CCSER1: variants seen among roughly 807,000 people sequenced by gnomAD.
CCSER1 encodes the protein serine-rich coiled-coil domain-containing protein 1.
A neutral mutation model predicts 82.0 loss-of-function variants in CCSER1; 41 were observed. The ratio of observed to expected loss-of-function variants is 0.50; its 90% CI spans 0.39 to 0.65. The LOEUF (loss-of-function observed/expected upper bound fraction) is 0.65, where lower values mean the gene tolerates loss of function less well. CCSER1 is among the 30% of genes least tolerant of loss of function. The pLI, the probability that CCSER1 is intolerant of heterozygous loss-of-function variation, is 0.00. For missense variants in CCSER1, 1,119 were observed against 1,064.2 expected, an observed-to-expected ratio of 1.05 and a Z score of -0.72; for synonymous variants, 414 against 383.9, an observed-to-expected ratio of 1.08 and a Z score of -0.92.
chr4:90,393,570 A>G (rs1751509310), intron 3 of CCSER1, among the ~76,000 whole-genome samples: 1 of 152,204 alleles, frequency 6.6e-6, no homozygotes, highest in South Asian at 2.1e-4. Flanking sequence ...AGTCCAAAGC[A>G]GCATGTCAAA....
chr4:91,521,043 G>A (rs866934412), intron 10 of CCSER1, among the ~76,000 whole-genome samples: 3 of 151,898 alleles, frequency 2.0e-5, no homozygotes, highest in Admixed American at 6.6e-5. Context: ...CCAGACCCCC[G>A]CCCCTGACAG....
intron 5 of CCSER1, among the ~76,000 whole-genome samples, chr4:90,479,985 T>G (rs993955548): frequency 6.6e-6 from 1 of 152,194 alleles, no homozygotes; most frequent in Non-Finnish European, 1.5e-5. Context: ...TAGTTTACAG[T>G]CCCACCAACA....
chr4:90,648,149 GA>G (rs1317925764), intron 6 of CCSER1, among the ~76,000 whole-genome samples: 2 of 151,362 alleles, frequency 1.3e-5, no homozygotes, highest in Non-Finnish European at 2.9e-5. Context: ...ATTCAGTTTA[GA>G]CATAGACTCA....
At chr4:91,121,567 ATGT>A (rs888612935) in intron 10 of CCSER1, among the ~76,000 whole-genome samples, 6 of 151,650 alleles carry the variant, frequency 4.0e-5, no homozygotes, top group Admixed American at 6.6e-5. Flanking sequence ...AGTATGTGCT[ATGT>A]TGTTGTTAAT....
At chr4:91,188,158 CTT>C (rs1328143975) in intron 10 of CCSER1, among the ~76,000 whole-genome samples, 2 of 152,052 alleles carry the variant, frequency 1.3e-5, no homozygotes, top group East Asian at 3.9e-4. Flanking sequence ...CTAGGGTAAA[CTT>C]TGCATAAAAC....
At chr4:90,219,072 C>A (rs1741644895) in intron 1 of CCSER1, among the ~76,000 whole-genome samples, 1 of 152,090 alleles carries the variant, frequency 6.6e-6, no homozygotes, top group South Asian at 2.1e-4. Flanking sequence ...AAGGCTAATT[C>A]TGGCTTCAGG....
chr4:90,822,466 C>T (rs760645585), intron 8 of CCSER1, among the ~76,000 whole-genome samples: 7 of 152,156 alleles, frequency 4.6e-5, no homozygotes, highest in Non-Finnish European at 7.4e-5. Flanking sequence ...TGGTGACTCA[C>T]GCCTGTAATC....
intron 9 of CCSER1, among the ~76,000 whole-genome samples, chr4:90,967,803 A>G (rs374441233): frequency 3.9e-5 from 6 of 152,080 alleles, no homozygotes; most frequent in African/African-American, 1.5e-4. Context: ...TTTTTTCACA[A>G]TCTCCCATGG....
chr4:91,104,854 G>A (rs535393467), intron 10 of CCSER1, among the ~76,000 whole-genome samples: 2 of 152,154 alleles, frequency 1.3e-5, no homozygotes, highest in Admixed American at 6.5e-5. Context: ...CCTAATAAGG[G>A]CAATAATCAG....
chr4:91,198,974 ACT>A (rs1374321196), intron 10 of CCSER1, among the ~76,000 whole-genome samples: 5 of 151,878 alleles, frequency 3.3e-5, no homozygotes, highest in Non-Finnish European at 7.4e-5. Context: ...CTTCATACAC[ACT>A]CTTCCCTCCG....
At chr4:91,590,469 C>T (rs1004250049) in intron 10 of CCSER1, among the ~76,000 whole-genome samples, 1 of 152,098 alleles carries the variant, frequency 6.6e-6, no homozygotes, top group African/African-American at 2.4e-5. Context: ...AAAACAGATT[C>T]CACGTCTAAG....
intron 1 of CCSER1, among the ~76,000 whole-genome samples, chr4:90,180,745 C>G (rs374336046): frequency 6.6e-6 from 1 of 152,074 alleles, no homozygotes; most frequent in African/African-American, 2.4e-5. Flanking sequence ...ATAAGTATCA[C>G]TCCTGTTAAG....
intron 5 of CCSER1, among the ~76,000 whole-genome samples, chr4:90,483,696 T>C (rs1039936665): frequency 1.3e-5 from 2 of 152,364 alleles, no homozygotes; most frequent in East Asian, 1.9e-4. Context: ...TGTTGAATAT[T>C]GGCCCCCACT....
chr4:91,516,228 CAATTTTTGCCTTTGTT>C (rs1760113507), intron 10 of CCSER1, among the ~76,000 whole-genome samples: 1 of 152,130 alleles, frequency 6.6e-6, no homozygotes, highest in East Asian at 1.9e-4. Context: ...TCTCATTTGT[CAATTTTTGCCTTTGTT>C]GCAATTGCTT....
At chr4:90,901,425 T>C (rs1724638715) in intron 8 of CCSER1, among the ~76,000 whole-genome samples, 1 of 152,116 alleles carries the variant, frequency 6.6e-6, no homozygotes, top group African/African-American at 2.4e-5. Context: ...TGGTAGCAAG[T>C]ATTGTCCTTT....
chr4:90,188,625 GT>G (rs1202279354), intron 1 of CCSER1, among the ~76,000 whole-genome samples: 2 of 151,856 alleles, frequency 1.3e-5, no homozygotes, highest in Non-Finnish European at 2.9e-5. Flanking sequence ...TTTGTGAAAT[GT>G]TAATATTACT....
chr4:90,507,673 GTA>G (rs1770905754), intron 5 of CCSER1, among the ~76,000 whole-genome samples: 1 of 152,040 alleles, frequency 6.6e-6, no homozygotes, highest in South Asian at 2.1e-4. Context: ...ATGATTTTAT[GTA>G]TATCCATTAC....
At chr4:91,391,127 G>A (rs1751624168) in intron 10 of CCSER1, among the ~76,000 whole-genome samples, 1 of 151,680 alleles carries the variant, frequency 6.6e-6, no homozygotes, top group Non-Finnish European at 1.5e-5. Flanking sequence ...ATTTATTAAG[G>A]TGGAAACTTA....
At chr4:91,215,426 C>G (rs1020654816) in intron 10 of CCSER1, among the ~76,000 whole-genome samples, 3 of 152,104 alleles carry the variant, frequency 2.0e-5, no homozygotes, top group Admixed American at 1.3e-4. Context: ...AGCATTGACT[C>G]ACATGATCAC....
Sources: allele counts gnomAD v4.1 joint callset (sites outside exome capture counted in the v4.1 genomes callset), GRCh38; gene constraint gnomAD v4.1.1; transcripts MANE v1.5; gene names NCBI Gene and HGNC (gene_info 2026-07-23, HGNC 2026-07-21).